Variants in DCLRE1C observed in about 807,000 individuals in gnomAD.
DCLRE1C encodes the protein DNA cross-link repair 1C.
DCLRE1C carries 47 observed loss-of-function variants against 61.4 expected under a neutral mutation model. The observed-to-expected ratio is 0.77, with a 90% CI of 0.61 to 0.98. The LOEUF (loss-of-function observed/expected upper bound fraction) is 0.98, where lower values mean the gene tolerates loss of function less well. Among genes scored for constraint, DCLRE1C ranks in the 50% least tolerant of loss-of-function variants. The pLI, the probability that DCLRE1C is intolerant of heterozygous loss-of-function variation, is 0.00. For synonymous variants in DCLRE1C, 337 were observed against 287.6 expected (o/e 1.17, Z -1.74); for missense variants, 858 against 816.0 (o/e 1.05, Z -0.63).
At chr10:14,945,812 T>C (rs1017208905) in intron 2 of DCLRE1C, among the ~76,000 whole-genome samples, 2 of 150,794 alleles carry the variant, frequency 1.3e-5, no homozygotes, top group Admixed American at 1.3e-4. Flanking sequence ...GCACGCGCCA[T>C]GATGCCGGAC....
chr10:14,941,219 A>G (rs1840800142), intron 3 of DCLRE1C, among the ~76,000 whole-genome samples: 1 of 152,214 alleles, frequency 6.6e-6, no homozygotes, highest in Non-Finnish European at 1.5e-5. Flanking sequence ...ATTTCCCTTC[A>G]AGGACAAATT....
intron 13 of DCLRE1C, among the ~76,000 whole-genome samples, chr10:14,910,520 C>T (rs1054802969): frequency 6.6e-5 from 10 of 152,138 alleles, no homozygotes; most frequent in Non-Finnish European, 1.5e-4. Context: ...GTTTTGAACT[C>T]CTGCACTCAG....
chr10:14,919,976 A>G (rs1363525157), intron 12 of DCLRE1C, 144 bp from the exon 13 acceptor site: 2 of 702,120 alleles, frequency 2.8e-6, no homozygotes, highest in Non-Finnish European at 5.0e-6. Context: ...CATAAGGGAA[A>G]TCACACAACT....
chr10:14,950,427 GCAC>G, intron 1 of DCLRE1C, among the ~76,000 whole-genome samples: 1 of 149,002 alleles, frequency 6.7e-6, no homozygotes, highest in East Asian at 2.0e-4. Context: ...ATTACCACGA[GCAC>G]CACCACACAC....
intron 1 of DCLRE1C, among the ~76,000 whole-genome samples, chr10:14,951,964 CAGA>C (rs1842521086): frequency 2.6e-5 from 4 of 152,298 alleles, no homozygotes; most frequent in Middle Eastern, 3.4e-3. Context: ...CCTCCAAAAG[CAGA>C]AGTTGTGTTT....
At chr10:14,940,304 T>C (rs1479821923) in intron 3 of DCLRE1C, among the ~76,000 whole-genome samples, 9 of 149,018 alleles carry the variant, frequency 6.0e-5, no homozygotes, top group Non-Finnish European at 7.4e-5. Context: ...TTTTTTTTTT[T>C]CTCAGATGCA....
At chr10:14,939,172 C>G (rs1314996175) in intron 4 of DCLRE1C, among the ~76,000 whole-genome samples, 1 of 152,134 alleles carries the variant, frequency 6.6e-6, no homozygotes. Flanking sequence ...CACAGTGACT[C>G]ACGCCTGTCA....
intron 4 of DCLRE1C, among the ~76,000 whole-genome samples, chr10:14,937,995 C>G (rs1444810966): frequency 1.3e-5 from 2 of 151,768 alleles, no homozygotes; most frequent in Non-Finnish European, 2.9e-5. Flanking sequence ...CCTGCAGGCA[C>G]TACTGCCTCT....
chr10:14,912,705 T>C (rs1016009145), intron 13 of DCLRE1C, among the ~76,000 whole-genome samples: 3 of 152,196 alleles, frequency 2.0e-5, no homozygotes, highest in African/African-American at 7.2e-5. Context: ...TTTTTTTCTT[T>C]TTGAGACAGA....
intron 11 of DCLRE1C, among the ~76,000 whole-genome samples, chr10:14,924,771 C>T (rs777372036): frequency 1.3e-5 from 2 of 151,902 alleles, no homozygotes; most frequent in South Asian, 2.1e-4. Flanking sequence ...GGTGTGAACC[C>T]GGGAGGCGGA....
In DCLRE1C at chr10:14,946,705, A is replaced by G. The variant is rs1323079226; in HGVS notation, c.162-1516T>C. On this transcript the variant is annotated intron_variant, in intron 2 of 13. Transcript: ENST00000378278. ...GGGGGAGGGGAGCTCACTGTCACCCAGGCTGGAATGCAAGCTATCCTCCCA... is the reference window on the plus strand; with the variant it reads ...GGGGGAGGGGAGCTCACTGTCACCCGGGCTGGAATGCAAGCTATCCTCCCA... Among the ~76,000 whole-genome samples, 4 of 151,918 alleles carry G rather than the reference A, an allele frequency of 2.6e-5. No individual in the cohort carries two copies. In the Middle Eastern group the frequency reaches 0.014, roughly 520 times the overall value.
downstream of DCLRE1C, among the ~76,000 whole-genome samples, chr10:14,900,903 A>G (rs1203274201): frequency 6.6e-6 from 1 of 152,226 alleles, no homozygotes; most frequent in Non-Finnish European, 1.5e-5. Flanking sequence ...GAAGCTGTAT[A>G]GTGGATACAT....
chr10:14,939,797 A>C lies in DCLRE1C; in HGVS notation c.306+13T>G, dbSNP rs371265213. ...CATTTTTTTAAAAAAATCAATATTT[A>C]ATATTTAGTTACCTCTCCTGATGCT... is the stretch of plus-strand genomic sequence containing the variant. On this transcript the variant is annotated intron_variant, in intron 4 of 13. Transcript: ENST00000378278. 1.6e-5 allele frequency: 26 copies of C among 1,581,096 alleles called. No homozygotes were observed. Among genetic ancestry groups the C allele is most frequent in the Non-Finnish European group, 2.3e-5 (26 of 1,152,392 alleles).
chr10:14,900,542 C>G (rs1234215801), downstream of DCLRE1C, among the ~76,000 whole-genome samples: 1 of 152,184 alleles, frequency 6.6e-6, no homozygotes, highest in Non-Finnish European at 1.5e-5. Context: ...TCGAGATACT[C>G]TCAAAATAGA....
In DCLRE1C at chr10:14,932,814, AT is replaced by A. The variant is rs775458126; in HGVS notation, c.780+39del. The A allele has an allele frequency of 9.3e-6, 15 of 1,608,900 alleles. No homozygotes were observed. The African/African-American group carries it at 1.1e-4, about 11-fold the overall frequency. On this transcript the variant is annotated intron_variant, in intron 9 of 13. Transcript: ENST00000378278. Reference sequence around the variant, plus strand: ...CCCTGACCTTTCTTCTTTTTCATAGATTACACAAACAATACGAGAGGAATCA... The same window carrying A: ...CCCTGACCTTTCTTCTTTTTCATAGATACACAAACAATACGAGAGGAATCA...
chr10:14,903,832 A>G (rs1467928498), downstream of DCLRE1C: 1 of 152,214 alleles, frequency 6.6e-6, no homozygotes, highest in African/African-American at 2.4e-5. Context: ...GATTACCTAA[A>G]ATAAGCTTGG....
At chr10:14,934,586 A>C in intron 7 of DCLRE1C, 66 bp from the exon 8 acceptor site, 1 of 1,613,932 alleles carries the variant, frequency 6.2e-7, no homozygotes, top group South Asian at 1.1e-5. Context: ...CCTTCCCAAC[A>C]GTCCCAGGTA....
intron 1 of DCLRE1C, among the ~76,000 whole-genome samples, chr10:14,951,842 G>A (rs971452084): frequency 6.6e-6 from 1 of 152,128 alleles, no homozygotes; most frequent in Non-Finnish European, 1.5e-5. Flanking sequence ...AAATACAGTC[G>A]CTTTGGGGGT....
intron 4 of DCLRE1C, among the ~76,000 whole-genome samples, chr10:14,936,801 C>T (rs1737676002): frequency 6.6e-6 from 1 of 152,134 alleles, no homozygotes; most frequent in Non-Finnish European, 1.5e-5. Flanking sequence ...AATTTCACCA[C>T]TAGTTATAGA....
Sources: gnomAD v4.1 joint callset for allele counts (sites outside exome capture counted in the v4.1 genomes callset) on GRCh38, gnomAD v4.1.1 for gene constraint, MANE v1.5 for transcripts, NCBI Gene and HGNC (gene_info 2026-07-23, HGNC 2026-07-21) for gene names.